Variants in SPAG17 observed in about 807,000 individuals in gnomAD.
SPAG17 encodes sperm associated antigen 17.
In SPAG17, 169 loss-of-function variants were observed where a neutral mutation model predicts 273.6. The observed-to-expected ratio is 0.62, with a 90% confidence interval of 0.55 to 0.70. The LOEUF (loss-of-function observed/expected upper bound fraction) is 0.70. Among genes scored for constraint, SPAG17 ranks in the 30% least tolerant of loss-of-function variants. The pLI, the probability that SPAG17 is intolerant of heterozygous loss-of-function variation, is 0.00. For synonymous variants in SPAG17, 825 were observed against 873.2 expected, an observed-to-expected ratio of 0.94 and a Z score of 0.97; for missense variants, 2,557 against 2,627.8, an observed-to-expected ratio of 0.97 and a Z score of 0.59.
chr1:117,960,421 A>T (rs1392476338), intron 48 of SPAG17: 1 of 152,220 alleles, frequency 6.6e-6, no homozygotes, highest in Non-Finnish European at 1.5e-5. Context: ...TGTGTTTATC[A>T]ATACTATAAG....
rs1197377536 is a variant in SPAG17, at chr1:118,025,209, A to G, written c.3909+29T>C. 3.7e-6 allele frequency: 6 copies of G among 1,608,796 alleles called. No individual in the cohort carries two copies. In the African/African-American group the frequency reaches 4.0e-5, roughly 11 times the overall value. ...GTTGTCTTTTACTTTGGAACAGGGA[A>G]GAATAATTTCTCTAACACATTCTTT... On this transcript the variant is annotated intron_variant, in intron 27 of 48. Coordinates refer to ENST00000336338, the MANE Select transcript of SPAG17 (RefSeq NM_206996.4).
chr1:118,142,268 T>C (rs1658721632), intron 3 of SPAG17, among the ~76,000 whole-genome samples: 1 of 151,908 alleles, frequency 6.6e-6, no homozygotes, highest in African/African-American at 2.4e-5. Context: ...GTATCCAGAG[T>C]CGTCAAATTC....
intron 26 of SPAG17, among the ~76,000 whole-genome samples, chr1:118,026,100 G>A (rs1424098030): frequency 6.6e-6 from 1 of 152,178 alleles, no homozygotes; most frequent in Non-Finnish European, 1.5e-5. Flanking sequence ...CTGCCCTGGT[G>A]TTTCCTGGTT....
intron 35 of SPAG17, among the ~76,000 whole-genome samples, chr1:117,992,928 G>A (rs1429960069): frequency 6.6e-6 from 1 of 152,182 alleles, no homozygotes; most frequent in Non-Finnish European, 1.5e-5. Flanking sequence ...GCTAAGCAAT[G>A]TAATAGCAGC....
chr1:117,996,624 C>T lies in SPAG17; in HGVS notation c.4896G>A (p.Gln1632=). The change falls in exon 33 of 49, where the codon CAG becomes CAA. Residue 1632 remains glutamine, a synonymous_variant. Transcript: ENST00000336338. The part of the protein sequence containing the change: ...LSSMHLEKNH[Q]QIYGEHVPRF... ...TGGGGACATGTTCACCATAGATTTG[C>T]TGATGATTCTTTTCAAGGTGCATAG... is the stretch of plus-strand genomic sequence containing the variant. 1 of 1,611,536 alleles carries T rather than the reference C, an allele frequency of 6.2e-7. No individual in the cohort carries two copies. Among genetic ancestry groups the T allele is most frequent in the Non-Finnish European group, 8.5e-7 (1 of 1,179,102 alleles).
intron 25 of SPAG17, among the ~76,000 whole-genome samples, chr1:118,029,742 T>C (rs1648202954): frequency 6.6e-6 from 1 of 152,136 alleles, no homozygotes; most frequent in Admixed American, 6.6e-5. Context: ...TTCCAGTTGG[T>C]TCTCTTTTGT....
chr1:118,175,906 A>G (rs1272908182), intron 1 of SPAG17, among the ~76,000 whole-genome samples: 1 of 152,192 alleles, frequency 6.6e-6, no homozygotes, highest in Non-Finnish European at 1.5e-5. Flanking sequence ...AAAAACAATA[A>G]TAGCTATAGC....
At position 118,070,178 on chromosome 1, in the gene SPAG17, G is replaced by A. The variant is rs148448899; in HGVS notation, c.2386-3279C>T. Among the ~76,000 whole-genome samples, 227 of 152,108 alleles carry A rather than the reference G, an allele frequency of 1.5e-3. 1 individual carries two copies. Among genetic ancestry groups the A allele is most frequent in the Middle Eastern group, 6.8e-3 (2 of 294 alleles). On this transcript the variant is annotated intron_variant, in intron 17 of 48. Transcript: ENST00000336338. The stretch of plus-strand genomic sequence containing the variant: ...TTGAAGGAGAGGAGATAAAGGCACC[G>A]GAATTTTAGAAGCTGGAAAGCAGAA...
intron 20 of SPAG17, among the ~76,000 whole-genome samples, chr1:118,048,103 G>A (rs970964172): frequency 1.3e-5 from 2 of 152,066 alleles, no homozygotes. Context: ...CTCCAGGCTG[G>A]TGCCGAAAGC....
chr1:118,082,463 G>A lies in SPAG17; in HGVS notation c.1763-821C>T, dbSNP rs546263529. 5.7e-4 allele frequency among the ~76,000 whole-genome samples: 87 copies of A among 152,316 alleles called. 1 individual carries two copies. The highest frequency in any genetic ancestry group is 1.0e-3 in the Non-Finnish European group (71 of 68,020). ...CAGGTCCTTTGGGAAAAAACAGGGA[G>A]ATTCAGAAGAGAGACAAGGAAGAGG... On this transcript the variant is annotated intron_variant, in intron 13 of 48. Coordinates refer to ENST00000336338, the MANE Select transcript of SPAG17 (RefSeq NM_206996.4).
At chr1:118,099,525 T>C in intron 6 of SPAG17, 81 bp downstream of exon 6, 1 of 1,287,290 alleles carries the variant, frequency 7.8e-7, no homozygotes, top group East Asian at 2.3e-5. Flanking sequence ...AGACTATGTT[T>C]TGGACAGAAA....
chr1:118,034,839 T>A (rs866249453), intron 24 of SPAG17, among the ~76,000 whole-genome samples: 2 of 152,168 alleles, frequency 1.3e-5, no homozygotes. Context: ...AGATTCTTAA[T>A]TTTAGGTATA....
In SPAG17 at chr1:118,041,851, T is replaced by A. The variant is rs1394687441; in HGVS notation, c.3006A>T (p.Glu1002Asp). 1 of 1,613,822 alleles carries A rather than the reference T, an allele frequency of 6.2e-7. No individual in the cohort carries two copies. The highest frequency in any genetic ancestry group is 8.5e-7 in the Non-Finnish European group (1 of 1,179,898). The change falls in exon 21 of 49, where the codon GAA (glutamate) becomes GAT (aspartate). Residue 1002 changes from glutamate (E) to aspartate (D), a missense_variant. Coordinates refer to ENST00000336338, the MANE Select transcript of SPAG17 (RefSeq NM_206996.4). Reference protein sequence around the residue: ...KSKEEQVKIQEVTEESPHQPE... With the variant: ...KSKEEQVKIQDVTEESPHQPE... ...GTTGGTGGGGGGACTCTTCTGTTAC[T>A]TCTTGGATCTTGACTTGTTCTTCTT... is the stretch of plus-strand genomic sequence containing the variant.
At chr1:118,086,338 TC>T (rs368872960) in intron 12 of SPAG17, among the ~76,000 whole-genome samples, 7 of 152,192 alleles carry the variant, frequency 4.6e-5, no homozygotes, top group African/African-American at 1.7e-4. Flanking sequence ...TTCATCTCTC[TC>T]TTTTGAGATC....
chr1:118,026,375 T>C (rs191619333), intron 26 of SPAG17, among the ~76,000 whole-genome samples: 33 of 152,298 alleles, frequency 2.2e-4, no homozygotes, highest in Non-Finnish European at 4.3e-4. Context: ...ATGTGGTTTA[T>C]TGGGGCCAAA....
rs771124163 is a variant in SPAG17, at chr1:118,044,196, G to A, written c.2815-2154C>T. On this transcript the variant is annotated intron_variant, in intron 20 of 48. Coordinates refer to ENST00000336338, the MANE Select transcript of SPAG17 (RefSeq NM_206996.4). ...CTGCTTAAGCATTTACCAGCACACC[G>A]CTGAATGTTTTCAGAGCAGCTAGAG... Among the ~76,000 whole-genome samples the A allele has an allele frequency of 2.7e-4, 41 of 152,222 alleles. No homozygotes were observed. In the Middle Eastern group the frequency reaches 0.017, roughly 63 times the overall value.
intron 7 of SPAG17, among the ~76,000 whole-genome samples, chr1:118,094,978 C>T (rs1342391379): frequency 6.6e-6 from 1 of 152,190 alleles, no homozygotes; most frequent in Non-Finnish European, 1.5e-5. Flanking sequence ...TGAATGTTTT[C>T]ATTGTTGACA....
At chr1:118,129,920 G>C (rs1254230775) in intron 3 of SPAG17, among the ~76,000 whole-genome samples, 1 of 152,050 alleles carries the variant, frequency 6.6e-6, no homozygotes, top group African/African-American at 2.4e-5. Flanking sequence ...TGTCCTGCTA[G>C]ACAAAGAATG....
In SPAG17 at chr1:118,091,940, A is replaced by T; in HGVS notation, c.1236T>A (p.Ala412=). 1 of 1,613,658 alleles carries T rather than the reference A, an allele frequency of 6.2e-7. No homozygotes were observed. ...CGATTTCATACATGCCTGGTGGTGG[A>T]GCTTGCGGTTCTTCATACTGTGCTT... ...KKKAQYEEPQ[A]PPPVTSVITT... is the part of the protein sequence containing the mutation. The change falls in exon 9 of 49, where the codon GCT becomes GCA. Residue 412 remains alanine, a synonymous_variant. Transcript: ENST00000336338.
Sources: gnomAD v4.1 joint callset for allele counts (sites outside exome capture counted in the v4.1 genomes callset) on GRCh38, gnomAD v4.1.1 for gene constraint, MANE v1.5 for transcripts, NCBI Gene and HGNC (gene_info 2026-07-23, HGNC 2026-07-21) for gene names.